NETO1: variants seen among roughly 807,000 people sequenced by gnomAD.
The protein encoded by NETO1 is neuropilin and tolloid like 1.
Under a neutral mutation model 61.3 loss-of-function variants are expected in NETO1, and 26 were observed. The observed-to-expected ratio is 0.42, with a 90% CI of 0.31 to 0.59. The LOEUF is 0.59. Ranked by LOEUF, NETO1 falls within the 20% of genes least tolerant of loss-of-function variation. The probability of loss-of-function intolerance (pLI) is 0.12; values close to 1 mark genes in which losing one functional copy is unlikely to be tolerated. For synonymous variants in NETO1, 225 were observed against 225.8 expected (o/e 1.00, Z 0.03); for missense variants, 531 against 662.8 (o/e 0.80, Z 2.18).
chr18:72,849,855 C>G (rs2074198238), intron 4 of NETO1, among the ~76,000 whole-genome samples: 1 of 152,176 alleles, frequency 6.6e-6, no homozygotes. Context: ...GTTCTAGAAG[C>G]TGTCCACATT....
intron 4 of NETO1, among the ~76,000 whole-genome samples, chr18:72,816,128 C>G (rs1334709616): frequency 3.9e-5 from 6 of 151,910 alleles, no homozygotes; most frequent in Admixed American, 3.3e-4. Flanking sequence ...TTCTCTATCT[C>G]TCCAGCCTGG....
intron 6 of NETO1, among the ~76,000 whole-genome samples, chr18:72,788,761 T>C (rs1291861848): frequency 6.6e-6 from 1 of 152,088 alleles, no homozygotes; most frequent in African/African-American, 2.4e-5. Flanking sequence ...TCAAATCACA[T>C]GGAAAGCAGA....
chr18:72,773,328 T>C (rs937659299), intron 7 of NETO1, among the ~76,000 whole-genome samples: 4 of 152,104 alleles, frequency 2.6e-5, no homozygotes, highest in Non-Finnish European at 5.9e-5. Flanking sequence ...TCAAAGTCAA[T>C]CAAGCTTTAA....
chr18:72,859,006 T>C lies in NETO1; in HGVS notation c.289A>G (p.Lys97Glu). ...TCTCGAACTTCAATATGATCAAATT[T>C]GCACTCCCAAGACGGTTCAATAGAG... ...KYSIEPSWECKFDHIEVRDGP... is the reference protein window; with the variant it reads ...KYSIEPSWECEFDHIEVRDGP... The change falls in exon 4 of 11, where the codon AAA (lysine) becomes GAA (glutamate). Residue 97 changes from lysine (K) to glutamate (E), a missense_variant. Transcript: ENST00000327305. 6.2e-7 allele frequency: 1 copy of C among 1,613,872 alleles called. No homozygotes were observed. Among genetic ancestry groups the C allele is most frequent in the Non-Finnish European group, 8.5e-7 (1 of 1,179,848 alleles).
intron 4 of NETO1, among the ~76,000 whole-genome samples, chr18:72,855,558 C>T (rs550745286): frequency 3.3e-5 from 5 of 152,314 alleles, no homozygotes; most frequent in South Asian, 2.1e-4. Flanking sequence ...CCTCCACATC[C>T]GTGCGGGACC....
At chr18:72,839,207 A>T (rs1482016039) in intron 4 of NETO1, among the ~76,000 whole-genome samples, 1 of 152,228 alleles carries the variant, frequency 6.6e-6, no homozygotes, top group Admixed American at 6.5e-5. Context: ...GAAGAATCTG[A>T]ATCCCAGTAT....
intron 7 of NETO1, among the ~76,000 whole-genome samples, chr18:72,762,225 A>G (rs1767575266): frequency 6.6e-6 from 1 of 151,126 alleles, no homozygotes; most frequent in South Asian, 2.1e-4. Context: ...CAATGGCGCG[A>G]TCTCCACTCA....
chr18:72,830,612 T>C lies in NETO1; in HGVS notation c.469+28214A>G, dbSNP rs1255239096. On this transcript the variant is annotated intron_variant, in intron 4 of 10. Coordinates refer to ENST00000327305, the MANE Select transcript of NETO1 (RefSeq NM_138966.5). The surrounding 1 kb of genome is among the most constrained non-coding windows in gnomAD (Gnocchi z 4.9). The stretch of plus-strand genomic sequence containing the variant: ...CAGCTTTTGGTGTGGAGGTAGGATG[T>C]GGTGGGGAGGGGATGGATTTCTCCA... Among the ~76,000 whole-genome samples the C allele has an allele frequency of 6.6e-6, 1 of 152,094 alleles. No individual in the cohort carries two copies. The highest frequency in any genetic ancestry group is 6.5e-5 in the Admixed American group (1 of 15,272).
intron 4 of NETO1, among the ~76,000 whole-genome samples, chr18:72,842,668 A>G (rs1019359294): frequency 3.3e-5 from 5 of 152,226 alleles, no homozygotes; most frequent in African/African-American, 1.2e-4. Flanking sequence ...CCTGAAGCCA[A>G]TAGGCATTTA....
chr18:72,840,766 G>A (rs1198327324), intron 4 of NETO1, among the ~76,000 whole-genome samples: 1 of 152,162 alleles, frequency 6.6e-6, no homozygotes, highest in East Asian at 1.9e-4. Flanking sequence ...TTCCTAGTGA[G>A]ACCAGTCAAT....
Position 72,748,048 on chromosome 18 carries a change from T to A in NETO1, c.*131A>T, listed in dbSNP as rs2070470974. Reference sequence around the variant, plus strand: ...TCTTGCCGAAGGAATAACAAATGTCTGTAATTCTTAAGTTTGGATAAAGGC... The same window carrying A: ...TCTTGCCGAAGGAATAACAAATGTCAGTAATTCTTAAGTTTGGATAAAGGC... On this transcript the variant is annotated 3_prime_UTR_variant, in exon 11 of 11. Coordinates refer to ENST00000327305, the MANE Select transcript of NETO1 (RefSeq NM_138966.5). The A allele has an allele frequency of 1.4e-6, 1 of 735,114 alleles. No homozygotes were observed. 45.5% of individuals were successfully genotyped at this position (735,114 alleles called of 1,614,324 possible).
At chr18:72,748,406 C>T (rs2070480774) in intron 10 of NETO1, 5 of 459,092 alleles carry the variant, frequency 1.1e-5, no homozygotes, top group South Asian at 9.3e-5. Context: ...ATGACAAAAT[C>T]GATGTACACG....
intron 7 of NETO1, among the ~76,000 whole-genome samples, chr18:72,769,045 G>A (rs9945466): frequency 1.3e-5 from 2 of 152,040 alleles, no homozygotes; most frequent in African/African-American, 4.8e-5. Flanking sequence ...AGCAGGGACA[G>A]GAGAGGGCAG....
At chr18:72,742,914 C>T (rs1285123584), downstream of NETO1, 2 of 152,118 alleles carry the variant, frequency 1.3e-5, no homozygotes, top group Non-Finnish European at 2.9e-5. Context: ...CACCTTGAAA[C>T]AATAAAGTAT....
intron 4 of NETO1, among the ~76,000 whole-genome samples, chr18:72,849,960 C>T (rs1472845706): frequency 6.6e-6 from 1 of 152,212 alleles, no homozygotes; most frequent in African/African-American, 2.4e-5. Context: ...CCTACTGCCT[C>T]CTTCGTTACA....
rs1039286504 is a variant in NETO1, at chr18:72,750,432, G to A, written c.1171C>T (p.Pro391Ser). Residue 391 changes from proline (P) to serine (S), a missense_variant, in exon 9 of 11, where the codon CCT (proline) becomes TCT (serine). Pro to Ser is a moderately conservative substitution (Grantham distance 74). Coordinates refer to ENST00000327305, the MANE Select transcript of NETO1 (RefSeq NM_138966.5). ...CTGAGAGTGCATAACTCATAATGAG[G>A]AGGTTCAAATACCTCCTGGAAAACT... The part of the protein sequence containing the change: ...QTVFQEVFEP[P>S]HYELCTLRGT... 6 of 1,614,130 alleles carry A rather than the reference G, an allele frequency of 3.7e-6. No individual in the cohort carries two copies. In the African/African-American group the frequency reaches 8.0e-5, roughly 22 times the overall value.
At chr18:72,827,889 C>G (rs910485047) in intron 4 of NETO1, among the ~76,000 whole-genome samples, 2 of 152,152 alleles carry the variant, frequency 1.3e-5, no homozygotes, top group Non-Finnish European at 2.9e-5. Flanking sequence ...GCTTGGAGGT[C>G]TTTTCTGCAT....
chr18:72,778,491 C>T (rs898264785), intron 7 of NETO1, among the ~76,000 whole-genome samples: 2 of 152,130 alleles, frequency 1.3e-5, no homozygotes, highest in African/African-American at 4.8e-5. Flanking sequence ...TCTTTCAACA[C>T]TTTGCCCGGA....
intron 4 of NETO1, among the ~76,000 whole-genome samples, chr18:72,824,551 G>A (rs2073312959): frequency 6.6e-6 from 1 of 152,166 alleles, no homozygotes; most frequent in East Asian, 1.9e-4. Flanking sequence ...GAGACTAGAA[G>A]AGCAAGTTGA....
Sources: gnomAD v4.1 joint callset for allele counts (sites outside exome capture counted in the v4.1 genomes callset) on GRCh38, gnomAD v4.1.1 for gene constraint, Gnocchi (gnomAD v3.1) non-coding constraint, MANE v1.5 for transcripts, NCBI Gene and HGNC (gene_info 2026-07-23, HGNC 2026-07-21) for gene names.